Variants in NOS1AP observed in about 807,000 individuals in gnomAD.
The protein encoded by NOS1AP is carboxyl-terminal PDZ ligand of neuronal nitric oxide synthase protein.
NOS1AP carries 21 observed loss-of-function variants against 56.2 expected under a neutral mutation model. The observed-to-expected ratio is 0.37, with a 90% CI of 0.26 to 0.54. The LOEUF (loss-of-function observed/expected upper bound fraction) is 0.54, where lower values mean the gene tolerates loss of function less well. Ranked by LOEUF, NOS1AP falls within the 20% of genes least tolerant of loss-of-function variation. NOS1AP has a pLI of 0.84. For synonymous variants in NOS1AP, 270 were observed against 274.6 expected, an observed-to-expected ratio of 0.98 and a Z score of 0.17; for missense variants, 522 against 657.8, an observed-to-expected ratio of 0.79 and a Z score of 2.26.
At chr1:162,177,882 C>A (rs1479392951) in intron 2 of NOS1AP, among the ~76,000 whole-genome samples, 2 of 152,116 alleles carry the variant, frequency 1.3e-5, no homozygotes, top group Non-Finnish European at 2.9e-5. Flanking sequence ...CATGAGGGTT[C>A]ATTCTTGGTG....
In NOS1AP at chr1:162,320,310, G is replaced by A. The variant is rs1338177247; in HGVS notation, c.345-12707G>A. ...CAGGCAAGGACTTGCCTCCTTCACAGCCTTCTGCTCACATTTCTCCACCCT... is the reference window on the plus strand; with the variant it reads ...CAGGCAAGGACTTGCCTCCTTCACAACCTTCTGCTCACATTTCTCCACCCT... On this transcript the variant is annotated intron_variant, in intron 4 of 9. Coordinates refer to ENST00000361897, the MANE Select transcript of NOS1AP (RefSeq NM_014697.3). Among the ~76,000 whole-genome samples, 3 of 152,314 alleles carry A rather than the reference G, an allele frequency of 2.0e-5. No individual in the cohort carries two copies. In the South Asian group the frequency reaches 6.2e-4, roughly 32 times the overall value.
rs1651516450 is a variant in NOS1AP, at chr1:162,188,572, A to G, written c.177+34096A>G. On this transcript the variant is annotated intron_variant, in intron 2 of 9. Transcript: ENST00000361897. This position sits in a 1 kb window ranked among gnomAD's most constrained non-coding sequence, Gnocchi z 4.0. ...TGTTGAAAGTGCCTAAATTTTTTCA[A>G]CATTAGCACAAGAGGGCAATCTGGC... is the stretch of plus-strand genomic sequence containing the variant. 6.6e-6 allele frequency among the ~76,000 whole-genome samples: 1 copy of G among 152,208 alleles called. No homozygotes were observed. The highest frequency in any genetic ancestry group is 2.1e-4 in the South Asian group (1 of 4,828).
chr1:162,355,193 A>T lies in NOS1AP; in HGVS notation c.602A>T (p.Gln201Leu), dbSNP rs779813806. 1 of 1,614,136 alleles carries T rather than the reference A, an allele frequency of 6.2e-7. No individual in the cohort carries two copies. The highest frequency in any genetic ancestry group is 1.1e-5 in the South Asian group (1 of 91,078). ...TCCCCTGTTGTTCCTGCAGGCCGCCAGCTCACTGGAGCCGAGAGGGCCTCC... is the reference window on the plus strand; with the variant it reads ...TCCCCTGTTGTTCCTGCAGGCCGCCTGCTCACTGGAGCCGAGAGGGCCTCC... Reference protein sequence around the residue: ...NSNSSGDPGRQLTGAERASTA... With the variant: ...NSNSSGDPGRLLTGAERASTA... Residue 201 changes from glutamine to leucine, a missense_variant, in exon 7 of 10, where the codon CAG (glutamine) becomes CTG (leucine). Gln to Leu is a moderately radical substitution (Grantham distance 113, BLOSUM62 -2). This residue lies in a region of NOS1AP where 178 missense variants were observed against 165.0 expected (regional missense o/e 1.08). Coordinates refer to ENST00000361897, the MANE Select transcript of NOS1AP (RefSeq NM_014697.3).
At chr1:162,336,374 C>T (rs1448668169) in intron 5 of NOS1AP, among the ~76,000 whole-genome samples, 1 of 152,154 alleles carries the variant, frequency 6.6e-6, no homozygotes, top group Admixed American at 6.5e-5. Flanking sequence ...CACACTCTTA[C>T]CCACTCCATT....
chr1:162,143,873 G>A (rs1163705891), intron 1 of NOS1AP, among the ~76,000 whole-genome samples: 1 of 152,200 alleles, frequency 6.6e-6, no homozygotes, highest in Non-Finnish European at 1.5e-5. Flanking sequence ...AATTTAGGAG[G>A]TGTAGGATGT....
intron 4 of NOS1AP, among the ~76,000 whole-genome samples, chr1:162,324,394 T>C (rs1355381789): frequency 6.8e-6 from 1 of 148,076 alleles, no homozygotes; most frequent in African/African-American, 2.5e-5. Context: ...TTTTGTGTAG[T>C]GGTTTTGTGA....
At chr1:162,332,084 G>C (rs1281609807) in intron 4 of NOS1AP, among the ~76,000 whole-genome samples, 1 of 152,182 alleles carries the variant, frequency 6.6e-6, no homozygotes, top group African/African-American at 2.4e-5. Context: ...TTACCTTGTT[G>C]CTGACCATAC....
chr1:162,318,961 T>C (rs1656322244), intron 4 of NOS1AP, among the ~76,000 whole-genome samples: 1 of 152,144 alleles, frequency 6.6e-6, no homozygotes, highest in Non-Finnish European at 1.5e-5. Flanking sequence ...CCCAGAGAAA[T>C]GATTCTTGTG....
chr1:162,316,261 G>T (rs1047557046), intron 4 of NOS1AP, among the ~76,000 whole-genome samples: 3 of 152,184 alleles, frequency 2.0e-5, no homozygotes, highest in African/African-American at 7.2e-5. Context: ...ATAACAAGCA[G>T]CACACAAATA....
At chr1:162,117,410 A>G (rs896651273) in intron 1 of NOS1AP, among the ~76,000 whole-genome samples, 2 of 152,136 alleles carry the variant, frequency 1.3e-5, no homozygotes, top group Non-Finnish European at 2.9e-5. Context: ...ACAATTTGCC[A>G]TTAGTGTTTC....
chr1:162,304,964 G>C (rs1211483836), intron 4 of NOS1AP, among the ~76,000 whole-genome samples: 1 of 152,080 alleles, frequency 6.6e-6, no homozygotes, highest in Non-Finnish European at 1.5e-5. Flanking sequence ...CACTAGCTCT[G>C]CTGAAGAATA....
intron 2 of NOS1AP, among the ~76,000 whole-genome samples, chr1:162,183,533 T>C (rs1436688368): frequency 2.0e-5 from 3 of 152,266 alleles, no homozygotes; most frequent in Non-Finnish European, 4.4e-5. Context: ...AGATGGCTCT[T>C]CCATTCACAT....
chr1:162,107,040 C>T (rs753381026), intron 1 of NOS1AP, among the ~76,000 whole-genome samples: 8 of 152,116 alleles, frequency 5.3e-5, no homozygotes, highest in Non-Finnish European at 1.0e-4. Context: ...GTTGGGTCAG[C>T]TGTGGTGCTT....
intron 1 of NOS1AP, among the ~76,000 whole-genome samples, chr1:162,103,288 G>C (rs774680854): frequency 5.3e-5 from 8 of 152,016 alleles, no homozygotes; most frequent in Non-Finnish European, 7.4e-5. Context: ...TTGCGCTATG[G>C]TATGAGAGAC....
At chr1:162,221,385 A>G (rs1652763274) in intron 2 of NOS1AP, among the ~76,000 whole-genome samples, 1 of 152,120 alleles carries the variant, frequency 6.6e-6, no homozygotes, top group African/African-American at 2.4e-5. Context: ...TTTTTAAATT[A>G]CAACTAGAAT....
Position 162,357,007 on chromosome 1 carries a change from G to A in NOS1AP, c.810G>A (p.Leu270=). 1.2e-6 allele frequency: 2 copies of A among 1,614,038 alleles called. No individual in the cohort carries two copies. The highest frequency in any genetic ancestry group is 1.7e-6 in the Non-Finnish European group (2 of 1,180,026). Residue 270 remains leucine (L), a synonymous_variant, in exon 8 of 10, where the codon CTG becomes CTA. Coordinates refer to ENST00000361897, the MANE Select transcript of NOS1AP (RefSeq NM_014697.3). ...EPMLTASPRM[L]LPSSSSKPPG... is the part of the protein sequence containing the mutation. ...TGCTGACAGCCTCACCCAGGATGCT[G>A]CTCCCTTCTTCTTCCTCGAAGCCTC...
At chr1:162,262,873 T>G (rs1006676108) in intron 2 of NOS1AP, among the ~76,000 whole-genome samples, 2 of 152,232 alleles carry the variant, frequency 1.3e-5, no homozygotes, top group Admixed American at 6.5e-5. Context: ...AAGTATATTC[T>G]CTTTATGATT....
chr1:162,230,318 C>T (rs1434603531), intron 2 of NOS1AP, among the ~76,000 whole-genome samples: 2 of 152,174 alleles, frequency 1.3e-5, no homozygotes, highest in Admixed American at 1.3e-4. Context: ...AGAACAAAAG[C>T]ACTAGAACCA....
At chr1:162,167,236 A>C (rs1650544552) in intron 2 of NOS1AP, among the ~76,000 whole-genome samples, 1 of 152,178 alleles carries the variant, frequency 6.6e-6, no homozygotes, top group African/African-American at 2.4e-5. Context: ...TAATATTAGC[A>C]ATTTACCTGT....
Sources: gnomAD v4.1 joint callset for allele counts (sites outside exome capture counted in the v4.1 genomes callset) on GRCh38, gnomAD v4.1.1 for gene constraint, gnomAD v4.1.1 regional missense constraint, Gnocchi (gnomAD v3.1) non-coding constraint, MANE v1.5 for transcripts, NCBI Gene and HGNC (gene_info 2026-07-23, HGNC 2026-07-21) for gene names.